Variants in MROH9 observed in about 807,000 individuals in gnomAD.
The protein encoded by MROH9 is maestro heat like repeat family member 9.
A neutral mutation model predicts 98.2 loss-of-function variants in MROH9; 92 were observed. That is an observed-to-expected ratio of 0.94 (90% CI 0.79 to 1.11). The LOEUF is 1.11. Among genes scored for constraint, MROH9 ranks in the 50% most tolerant of loss-of-function variants. The probability of loss-of-function intolerance (pLI) is 0.00; values close to 1 mark genes in which losing one functional copy is unlikely to be tolerated. For synonymous variants in MROH9, 397 were observed against 368.9 expected (o/e 1.08, Z -0.87); for missense variants, 1,057 against 1,014.8 (o/e 1.04, Z -0.57).
chr1:170,991,360 T>A (rs188728718), intron 11 of MROH9, among the ~76,000 whole-genome samples: 15 of 152,148 alleles, frequency 9.9e-5, no homozygotes, highest in Admixed American at 5.9e-4. Context: ...TGATTCTAAG[T>A]GGGACCTGTA....
At chr1:170,960,074 T>C (rs1012912043) in intron 5 of MROH9, among the ~76,000 whole-genome samples, 1 of 152,198 alleles carries the variant, frequency 6.6e-6, no homozygotes, top group Non-Finnish European at 1.5e-5. Context: ...GGAGAGAATG[T>C]ACAACACTCA....
intron 20 of MROH9, among the ~76,000 whole-genome samples, chr1:171,045,913 A>G (rs1653457857): frequency 6.6e-6 from 1 of 152,120 alleles, no homozygotes; most frequent in African/African-American, 2.4e-5. Context: ...AGTTATTATT[A>G]TATTGAAGCC....
chr1:170,943,119 AAGT>A (rs1649187922), intron 1 of MROH9, among the ~76,000 whole-genome samples: 1 of 152,150 alleles, frequency 6.6e-6, no homozygotes, highest in Admixed American at 6.5e-5. Context: ...TACAAGAAAA[AAGT>A]AGAAAATTAA....
Position 170,947,519 on chromosome 1 carries a change from C to G in MROH9, c.26-8C>G. 6.2e-7 allele frequency: 1 copy of G among 1,609,552 alleles called. No homozygotes were observed. The highest frequency in any genetic ancestry group is 8.5e-7 in the Non-Finnish European group (1 of 1,176,690). ...TCCTTTTTAACGAATCTCCTTCTTT[C>G]TGGCTAGAGAGTAGTCTCCAGATTC... On this transcript the variant is annotated splice_polypyrimidine_tract_variant and splice_region_variant and intron_variant, in intron 2 of 21. Coordinates refer to ENST00000367759, the MANE Select transcript of MROH9 (RefSeq NM_001163629.2).
chr1:170,952,078 C>G (rs545013387), intron 3 of MROH9, among the ~76,000 whole-genome samples: 11 of 150,868 alleles, frequency 7.3e-5, no homozygotes, highest in South Asian at 6.3e-4. Context: ...TAGAATGGCA[C>G]TCATTAAAAA....
intron 21 of MROH9, among the ~76,000 whole-genome samples, chr1:171,063,052 T>C (rs1654058850): frequency 6.6e-6 from 1 of 152,202 alleles, no homozygotes; most frequent in Non-Finnish European, 1.5e-5. Flanking sequence ...ACCTGCTAAA[T>C]GTCAAACACT....
At chr1:171,063,387 G>A (rs1207071010) in intron 21 of MROH9, among the ~76,000 whole-genome samples, 2 of 151,466 alleles carry the variant, frequency 1.3e-5, no homozygotes, top group African/African-American at 2.4e-5. Flanking sequence ...TGAGTAAGTG[G>A]GACGACAGGC....
At chr1:170,983,378 A>G in intron 8 of MROH9, 44 bp from the exon 9 acceptor site, 1 of 1,364,960 alleles carries the variant, frequency 7.3e-7, no homozygotes, top group Non-Finnish European at 1.0e-6. Flanking sequence ...AGAACAAACA[A>G]GTGATCAAAT....
At chr1:170,937,692 T>G (rs1018600434) in intron 1 of MROH9, among the ~76,000 whole-genome samples, 1 of 151,538 alleles carries the variant, frequency 6.6e-6, no homozygotes, top group African/African-American at 2.4e-5. Context: ...CGGCTAATTT[T>G]TTTTGTATTT....
chr1:170,958,164 T>C (rs1048311535), intron 3 of MROH9, among the ~76,000 whole-genome samples: 8 of 151,464 alleles, frequency 5.3e-5, no homozygotes, highest in African/African-American at 9.7e-5. Context: ...TTAATAGTTA[T>C]AGTGGTGTAC....
intron 6 of MROH9, among the ~76,000 whole-genome samples, chr1:170,962,603 A>G (rs181254562): frequency 7.2e-5 from 11 of 152,244 alleles, no homozygotes; most frequent in African/African-American, 2.6e-4. Flanking sequence ...TCCTACCAGG[A>G]GCATCTATGA....
intron 17 of MROH9, among the ~76,000 whole-genome samples, chr1:171,020,113 G>A (rs1489597975): frequency 1.3e-5 from 2 of 152,078 alleles, no homozygotes; most frequent in Admixed American, 6.5e-5. Flanking sequence ...CTGAAATTGT[G>A]GCAGTAATTA....
At chr1:170,942,713 T>G (rs574916451) in intron 1 of MROH9, among the ~76,000 whole-genome samples, 3 of 152,116 alleles carry the variant, frequency 2.0e-5, no homozygotes, top group African/African-American at 7.2e-5. Context: ...ATACTTTTCC[T>G]GGGTGATAAG....
intron 20 of MROH9, among the ~76,000 whole-genome samples, chr1:171,059,911 G>T (rs906071029): frequency 2.6e-5 from 4 of 151,878 alleles, no homozygotes; most frequent in African/African-American, 9.7e-5. Context: ...AAACTTAGAG[G>T]ATGGGTCAAT....
At chr1:171,055,810 AG>A (rs1397688202) in intron 20 of MROH9, among the ~76,000 whole-genome samples, 1 of 152,106 alleles carries the variant, frequency 6.6e-6, no homozygotes, top group Non-Finnish European at 1.5e-5. Flanking sequence ...CAAGGTAACC[AG>A]GTTCTCTCAT....
chr1:170,985,812 G>A (rs889641527), intron 9 of MROH9, among the ~76,000 whole-genome samples: 2 of 151,484 alleles, frequency 1.3e-5, no homozygotes, highest in African/African-American at 4.9e-5. Context: ...TGCCCAGTGG[G>A]AGAGGAGCTA....
chr1:171,015,204 CA>C (rs1358963953), intron 16 of MROH9: 1 of 376,408 alleles, frequency 2.7e-6, no homozygotes, highest in Non-Finnish European at 5.3e-6. Context: ...TTTAGAATGA[CA>C]TAAGCCATGG....
intron 20 of MROH9, among the ~76,000 whole-genome samples, chr1:171,051,835 C>A (rs1653674959): frequency 6.6e-6 from 1 of 152,128 alleles, no homozygotes; most frequent in Admixed American, 6.5e-5. Context: ...GTACCCTTGC[C>A]ATTCTTTGAT....
At chr1:171,054,603 A>C (rs1653771136) in intron 20 of MROH9, among the ~76,000 whole-genome samples, 1 of 152,222 alleles carries the variant, frequency 6.6e-6, no homozygotes, top group South Asian at 2.1e-4. Context: ...ACAGAGTGGG[A>C]GAAAATCTTC....
Sources: allele counts gnomAD v4.1 joint callset (sites outside exome capture counted in the v4.1 genomes callset), GRCh38; gene constraint gnomAD v4.1.1; transcripts MANE v1.5; gene names NCBI Gene and HGNC (gene_info 2026-07-23, HGNC 2026-07-21).